Variants in CHODL observed in about 807,000 individuals in gnomAD.
CHODL encodes the protein transmembrane protein MT75.
Under a neutral mutation model 34.5 loss-of-function variants are expected in CHODL, and 29 were observed. The ratio of observed to expected loss-of-function variants is 0.84; its 90% CI spans 0.63 to 1.15. The LOEUF (loss-of-function observed/expected upper bound fraction) is 1.15. Ranked by LOEUF, CHODL falls within the 50% of genes most tolerant of loss-of-function variation. CHODL has a pLI of 0.00. For synonymous variants in CHODL, 125 were observed against 116.1 expected, an observed-to-expected ratio of 1.08 and a Z score of -0.49; for missense variants, 332 against 332.5, an observed-to-expected ratio of 1.00 and a Z score of 0.01.
intron 2 of CHODL, among the ~76,000 whole-genome samples, chr21:18,151,460 A>G (rs1468716346): frequency 6.6e-6 from 1 of 151,964 alleles, no homozygotes; most frequent in African/African-American, 2.4e-5. Flanking sequence ...TCCATAACTC[A>G]CCCTTACATC....
chr21:18,207,157 A>G (rs960774777), intron 2 of CHODL, among the ~76,000 whole-genome samples: 5 of 152,052 alleles, frequency 3.3e-5, no homozygotes, highest in African/African-American at 1.2e-4. Flanking sequence ...TCCTTGTGAT[A>G]CTTTGCTGAG....
rs1361551704 is a variant in CHODL at position 18,003,133 on chromosome 21, AAAC to A, written c.-144-24736_-144-24734del. ...CGAGACTCCGTCTCAAAAAAAAAAA[AAAC>A]AAAAAAAAAACCCAAGAGCCCTGGA... On this transcript the variant is annotated intron_variant, in intron 1 of 6. Coordinates refer to the CHODL transcript ENST00000400127. 4.0e-3 allele frequency among the ~76,000 whole-genome samples: 515 copies of A among 128,950 alleles called. 3 individuals carry two copies. The highest frequency in any genetic ancestry group is 0.02 in the South Asian group (85 of 4,258). 84.6% of individuals were successfully genotyped at this position (128,950 alleles called of 152,430 possible).
At chr21:18,109,087 A>C (rs1055487620) in intron 2 of CHODL, among the ~76,000 whole-genome samples, 1 of 152,184 alleles carries the variant, frequency 6.6e-6, no homozygotes, top group Admixed American at 6.5e-5. Flanking sequence ...CAGCTTTTGC[A>C]TTAATTATGT....
intron 2 of CHODL, among the ~76,000 whole-genome samples, chr21:18,079,347 A>G (rs2064906367): frequency 1.3e-5 from 2 of 150,110 alleles, no homozygotes; most frequent in African/African-American, 4.9e-5. Flanking sequence ...CGGTATATAT[A>G]TACCATAGAA....
chr21:18,130,097 T>C (rs1005689339), intron 2 of CHODL, among the ~76,000 whole-genome samples: 2 of 152,174 alleles, frequency 1.3e-5, no homozygotes, highest in African/African-American at 4.8e-5. Context: ...AATCTGTTTT[T>C]TTCCCCCCAG....
chr21:17,996,301 C>A (rs2824594), intron 1 of CHODL, among the ~76,000 whole-genome samples: 1 of 152,136 alleles, frequency 6.6e-6, no homozygotes. Flanking sequence ...GGTACTCAAC[C>A]AAGAGAGGAA....
intron 2 of CHODL, among the ~76,000 whole-genome samples, chr21:18,147,848 G>A (rs765221864): frequency 6.6e-6 from 1 of 152,194 alleles, no homozygotes; most frequent in Non-Finnish European, 1.5e-5. Flanking sequence ...TGAACACATC[G>A]TCAGGGAAGT....
intron 2 of CHODL, among the ~76,000 whole-genome samples, chr21:18,197,253 T>C (rs2073599743): frequency 6.6e-6 from 1 of 152,222 alleles, no homozygotes; most frequent in South Asian, 2.1e-4. Context: ...GTTAAATAGC[T>C]GTAATATGAA....
At chr21:18,251,081 T>G (rs1378127936) in intron 1 of CHODL, among the ~76,000 whole-genome samples, 1 of 151,526 alleles carries the variant, frequency 6.6e-6, no homozygotes, top group Non-Finnish European at 1.5e-5. Flanking sequence ...AAATTATAGA[T>G]CCTTTCTGCT....
chr21:18,260,106 A>T (rs1052619364), intron 3 of CHODL, 94 bp from the exon 4 acceptor site: 1 of 417,952 alleles, frequency 2.4e-6, no homozygotes, highest in Non-Finnish European at 3.8e-6. Context: ...CAAAATTGTG[A>T]TGTTTTTATT....
At chr21:17,960,963 T>C (rs1160717454) in intron 1 of CHODL, among the ~76,000 whole-genome samples, 2 of 152,254 alleles carry the variant, frequency 1.3e-5, no homozygotes, top group African/African-American at 2.4e-5. Context: ...TCTTTTTTTA[T>C]GTTTTAGTTT....
At chr21:18,170,003 T>C (rs2073208131) in intron 2 of CHODL, among the ~76,000 whole-genome samples, 1 of 152,070 alleles carries the variant, frequency 6.6e-6, no homozygotes, top group African/African-American at 2.4e-5. Context: ...AATTTTGTAC[T>C]AGTTGTGCCC....
intron 2 of CHODL, among the ~76,000 whole-genome samples, chr21:18,099,059 A>G (rs566508196): frequency 6.6e-6 from 1 of 152,204 alleles, no homozygotes; most frequent in South Asian, 2.1e-4. Context: ...GAGGGTACAA[A>G]GATGGTTACA....
intron 2 of CHODL, among the ~76,000 whole-genome samples, chr21:18,225,911 A>T (rs949766735): frequency 2.0e-5 from 3 of 152,170 alleles, no homozygotes; most frequent in African/African-American, 7.2e-5. Context: ...AACCTCTTAA[A>T]ATATGAATTC....
At chr21:18,047,199 C>T (rs1352713807) in intron 2 of CHODL, among the ~76,000 whole-genome samples, 2 of 151,864 alleles carry the variant, frequency 1.3e-5, no homozygotes, top group Admixed American at 1.3e-4. Context: ...ATGACTCTGG[C>T]AGAAAGAGAA....
At chr21:18,173,979 A>G (rs1234572952) in intron 2 of CHODL, among the ~76,000 whole-genome samples, 1 of 151,062 alleles carries the variant, frequency 6.6e-6, no homozygotes, top group African/African-American at 2.4e-5. Context: ...AAAAATTTTA[A>G]AAACGAGTTT....
At chr21:18,076,064 C>T (rs2146506529) in intron 2 of CHODL, among the ~76,000 whole-genome samples, 1 of 152,230 alleles carries the variant, frequency 6.6e-6, no homozygotes, top group Non-Finnish European at 1.5e-5. Context: ...TATATGCCAC[C>T]TAGTTTATGG....
At chr21:18,254,930 A>C (rs1422361967) in intron 1 of CHODL, among the ~76,000 whole-genome samples, 1 of 152,098 alleles carries the variant, frequency 6.6e-6, no homozygotes, top group Non-Finnish European at 1.5e-5. Context: ...TTATTAGAGC[A>C]GAATTTCATT....
intron 2 of CHODL, among the ~76,000 whole-genome samples, chr21:18,117,910 G>T (rs1047155248): frequency 6.6e-6 from 1 of 152,020 alleles, no homozygotes; most frequent in African/African-American, 2.4e-5. Flanking sequence ...TCCACATTTG[G>T]CTTGCTGTGC....
Sources: gnomAD v4.1 joint callset for allele counts (sites outside exome capture counted in the v4.1 genomes callset) on GRCh38, gnomAD v4.1.1 for gene constraint, MANE v1.5 for transcripts, NCBI Gene and HGNC (gene_info 2026-07-23, HGNC 2026-07-21) for gene names.